Variants in COP1 observed in about 807,000 individuals in gnomAD.
COP1 encodes the protein COP1 E3 ubiquitin ligase, also known as E3 ubiquitin-protein ligase COP1.
In COP1, 24 loss-of-function variants were observed where a neutral mutation model predicts 101.3. That is an observed-to-expected ratio of 0.24 (90% CI 0.17 to 0.33). COP1 has a LOEUF of 0.33. Among genes scored for constraint, COP1 ranks in the 10% least tolerant of loss-of-function variants. COP1 has a pLI of 1.00. For missense variants in COP1, 663 were observed against 906.2 expected (o/e 0.73, Z 3.45); for synonymous variants, 347 against 341.9 (o/e 1.01, Z -0.17).
intron 11 of COP1, among the ~76,000 whole-genome samples, chr1:176,056,041 A>T (rs1431325541): frequency 6.6e-6 from 1 of 151,998 alleles, no homozygotes; most frequent in African/African-American, 2.4e-5. Context: ...ATTTCATCAT[A>T]CTGGTTTGAT....
intron 1 of COP1, among the ~76,000 whole-genome samples, chr1:176,199,710 C>G (rs1558305447): frequency 6.6e-6 from 1 of 152,128 alleles, no homozygotes; most frequent in African/African-American, 2.4e-5. Flanking sequence ...ATATGAAATT[C>G]CAGAAAAGGC....
intron 9 of COP1, among the ~76,000 whole-genome samples, chr1:176,086,188 C>T (rs1680104249): frequency 6.6e-6 from 1 of 150,636 alleles, no homozygotes; most frequent in Non-Finnish European, 1.5e-5. Flanking sequence ...AGACAGAATT[C>T]ATTATGCCAT....
intron 1 of COP1, 66 bp from the exon 2 acceptor site, chr1:176,184,758 T>C (rs975436838): frequency 3.6e-5 from 38 of 1,069,570 alleles, no homozygotes; most frequent in Middle Eastern, 2.6e-4. Context: ...TGGAAAAGAC[T>C]AGTAACAATA....
At chr1:176,189,553 T>C (rs1219430758) in intron 1 of COP1, among the ~76,000 whole-genome samples, 3 of 151,918 alleles carry the variant, frequency 2.0e-5, no homozygotes, top group Non-Finnish European at 4.4e-5. Flanking sequence ...TTTAAGAGAA[T>C]TTGCTGCCCA....
chr1:176,056,247 A>G lies in COP1; in HGVS notation c.1278-9923T>C, dbSNP rs566616128. 7.9e-5 allele frequency among the ~76,000 whole-genome samples: 12 copies of G among 152,364 alleles called. 1 individual carries two copies. Among genetic ancestry groups the G allele is most frequent in the African/African-American group, 2.9e-4 (12 of 41,604 alleles). ...TTTTCTGATGTTCCATGGACAATTT[A>G]AAAGAAGGTATATTCTTTATAAATG... is the stretch of plus-strand genomic sequence containing the variant. On this transcript the variant is annotated intron_variant, in intron 11 of 19. Coordinates refer to ENST00000367669, the MANE Select transcript of COP1 (RefSeq NM_022457.7).
chr1:176,043,389 G>C, intron 13 of COP1, 122 bp from the exon 14 acceptor site: 1 of 602,628 alleles, frequency 1.7e-6, no homozygotes, highest in Admixed American at 3.1e-5. Context: ...CAACAGGCTA[G>C]AAAACAAATG....
At chr1:176,195,122 G>T (rs1699523678) in intron 1 of COP1, among the ~76,000 whole-genome samples, 1 of 148,792 alleles carries the variant, frequency 6.7e-6, no homozygotes, top group South Asian at 2.2e-4. Context: ...GAGAGAAAGA[G>T]GGAGAGGAGA....
chr1:176,122,782 G>T (rs1191538716), intron 8 of COP1, among the ~76,000 whole-genome samples: 1 of 152,150 alleles, frequency 6.6e-6, no homozygotes, highest in Non-Finnish European at 1.5e-5. Flanking sequence ...CAGCTCATTT[G>T]AAAGTTTTTT....
intron 14 of COP1, among the ~76,000 whole-genome samples, chr1:176,035,007 T>C (rs937988005): frequency 1.3e-5 from 2 of 152,116 alleles, no homozygotes; most frequent in Non-Finnish European, 2.9e-5. Flanking sequence ...CATCTTACAA[T>C]ATAATATTCA....
intron 9 of COP1, among the ~76,000 whole-genome samples, chr1:176,093,232 A>G (rs1681663532): frequency 6.6e-6 from 1 of 152,206 alleles, no homozygotes; most frequent in Non-Finnish European, 1.5e-5. Flanking sequence ...TTAGGAACAC[A>G]TGAGTAACCT....
At chr1:176,099,187 G>T (rs886156220) in intron 9 of COP1, among the ~76,000 whole-genome samples, 1 of 152,070 alleles carries the variant, frequency 6.6e-6, no homozygotes, top group African/African-American at 2.4e-5. Flanking sequence ...TCAAAAAATG[G>T]CTTATAACAA....
intron 2 of COP1, 135 bp from the exon 3 acceptor site, chr1:176,176,142 A>G: frequency 1.8e-6 from 1 of 551,070 alleles, no homozygotes; most frequent in East Asian, 3.1e-5. Context: ...TTTTGCTTAT[A>G]TTTTTACATT....
intron 15 of COP1, among the ~76,000 whole-genome samples, chr1:176,016,275 AT>A (rs1665618268): frequency 1.3e-5 from 2 of 152,190 alleles, no homozygotes; most frequent in Admixed American, 1.3e-4. Flanking sequence ...GTATCAAAGA[AT>A]ACCAACATTT....
intron 15 of COP1, among the ~76,000 whole-genome samples, chr1:175,994,259 AG>A (rs771651924): frequency 6.6e-6 from 1 of 152,222 alleles, no homozygotes; most frequent in Non-Finnish European, 1.5e-5. Flanking sequence ...AAACATGGAA[AG>A]GAACAACCCA....
intron 8 of COP1, among the ~76,000 whole-genome samples, chr1:176,133,561 G>A (rs1044676902): frequency 1.3e-5 from 2 of 151,834 alleles, no homozygotes; most frequent in African/African-American, 2.4e-5. Context: ...ATCCCAAAAT[G>A]TAAGCTCCAA....
chr1:176,184,911 G>A (rs947916390), intron 1 of COP1, among the ~76,000 whole-genome samples: 3 of 152,040 alleles, frequency 2.0e-5, no homozygotes, highest in East Asian at 3.8e-4. Flanking sequence ...AAGGGTCACT[G>A]AGCTTCAAAA....
intron 6 of COP1, among the ~76,000 whole-genome samples, chr1:176,140,594 G>A (rs951642163): frequency 6.6e-6 from 1 of 152,138 alleles, no homozygotes; most frequent in Non-Finnish European, 1.5e-5. Context: ...CAAGGATGTG[G>A]AAAGAAGAAA....
intron 3 of COP1, among the ~76,000 whole-genome samples, chr1:176,174,654 G>A (rs1009656947): frequency 6.6e-6 from 1 of 152,080 alleles, no homozygotes; most frequent in Admixed American, 6.6e-5. Flanking sequence ...AGCTGAATAC[G>A]TTCAAATTCA....
At chr1:176,205,405 C>T (rs918114878) in intron 1 of COP1, among the ~76,000 whole-genome samples, 3 of 152,132 alleles carry the variant, frequency 2.0e-5, no homozygotes, top group African/African-American at 7.2e-5. Context: ...AACTAGAAAC[C>T]GTAAGTCTAA....
Sources: allele counts gnomAD v4.1 joint callset (sites outside exome capture counted in the v4.1 genomes callset), GRCh38; gene constraint gnomAD v4.1.1; transcripts MANE v1.5; gene names NCBI Gene and HGNC (gene_info 2026-07-23, HGNC 2026-07-21).